KLF4: variants seen among roughly 807,000 people sequenced by gnomAD.
The protein encoded by KLF4 is KLF transcription factor 4.
A neutral mutation model predicts 38.0 loss-of-function variants in KLF4; 14 were observed. The observed-to-expected ratio is 0.37, with a 90% confidence interval of 0.24 to 0.58. The LOEUF (loss-of-function observed/expected upper bound fraction) is 0.58, where lower values mean the gene tolerates loss of function less well. Among genes scored for constraint, KLF4 ranks in the 20% least tolerant of loss-of-function variants. The pLI, the probability that KLF4 is intolerant of heterozygous loss-of-function variation, is 0.76. For synonymous variants in KLF4, 398 were observed against 302.5 expected, an observed-to-expected ratio of 1.32 and a Z score of -3.28; for missense variants, 737 against 670.1, an observed-to-expected ratio of 1.10 and a Z score of -1.10.
In KLF4 at chr9:107,488,569, G is replaced by C; in HGVS notation, c.127-302C>G. 2.0e-6 allele frequency: 1 copy of C among 496,678 alleles called. No homozygotes were observed. Among genetic ancestry groups the C allele is most frequent in the South Asian group, 2.8e-5 (1 of 36,048 alleles). 30.8% of individuals were successfully genotyped at this position (496,678 alleles called of 1,614,324 possible). On this transcript the variant is annotated intron_variant, in intron 2 of 4. Transcript: ENST00000374672. This position sits in a 1 kb window ranked among gnomAD's most constrained non-coding sequence, Gnocchi z 5.7. ...ACGTCCCCGGAATTGGCACACCGAG[G>C]CTCTCTCGGTGCGCTCTCGCCACGG... is the stretch of plus-strand genomic sequence containing the variant.
chr9:107,488,028 G>A lies in KLF4; in HGVS notation c.366C>T (p.Ala122=). The stretch of plus-strand genomic sequence containing the variant: ...AGGCTGACGCTGACGAGGACACGGT[G>A]GCGGCCACTGACTCCGGAGGATGGG... ...SLTHPPESVA[A]TVSSSASASS... The change falls in exon 3 of 5, where the codon GCC becomes GCT. Residue 122 remains alanine (A), a synonymous_variant. Coordinates refer to ENST00000374672, the MANE Select transcript of KLF4 (RefSeq NM_004235.6). The surrounding 1 kb of genome is among the most constrained non-coding windows in gnomAD (Gnocchi z 5.7). The A allele has an allele frequency of 1.9e-6, 3 of 1,609,566 alleles. No homozygotes were observed. Among genetic ancestry groups the A allele is most frequent in the Non-Finnish European group, 2.5e-6 (3 of 1,178,542 alleles).
At chr9:107,486,952 G>C in intron 4 of KLF4, 76 bp downstream of exon 4, 3 of 1,608,884 alleles carry the variant, frequency 1.9e-6, no homozygotes, top group Non-Finnish European at 2.5e-6. Flanking sequence ...AAGTCAAGGA[G>C]GCACTGAGGA....
In KLF4 at chr9:107,488,322, A is replaced by G; in HGVS notation, c.127-55T>C. 2.0e-6 allele frequency: 3 copies of G among 1,493,770 alleles called. No homozygotes were observed. The highest frequency in any genetic ancestry group is 1.8e-6 in the Non-Finnish European group (2 of 1,125,674). 92.5% of individuals were successfully genotyped at this position (1,493,770 alleles called of 1,614,324 possible). ...AGTGGTGGTCCCCTGTTGCCACCCG[A>G]CATACTGACGTGCTGGCGGGCCACG... On this transcript the variant is annotated intron_variant, in intron 2 of 4. Coordinates refer to ENST00000374672, the MANE Select transcript of KLF4 (RefSeq NM_004235.6). This position sits in a 1 kb window ranked among gnomAD's most constrained non-coding sequence, Gnocchi z 5.7.
chr9:107,485,761 C>T lies in KLF4; in HGVS notation c.1430G>A (p.Arg477Lys). The T allele has an allele frequency of 4.4e-6, 7 of 1,587,592 alleles. No individual in the cohort carries two copies. The highest frequency in any genetic ancestry group is 6.0e-6 in the Non-Finnish European group (7 of 1,170,330). Reference protein sequence around the residue: ...RSDHLALHMKRHF With the variant: ...RSDHLALHMKKHF ...TCCACTGTCTGGGATTTAAAAATGC[C>T]TCTTCATGTGTAAGGCGAGGTGGTC... Residue 477 changes from arginine (R) to lysine (K), a missense_variant, in exon 5 of 5, where the codon AGG becomes AAG. Transcript: ENST00000374672. The surrounding 1 kb of genome is among the most constrained non-coding windows in gnomAD (Gnocchi z 4.9).
chr9:107,487,243 G>C lies in KLF4; in HGVS notation c.1100-51C>G, dbSNP rs778172656. On this transcript the variant is annotated intron_variant, in intron 3 of 4. Transcript: ENST00000374672. The surrounding 1 kb of genome is among the most constrained non-coding windows in gnomAD (Gnocchi z 6.1). The stretch of plus-strand genomic sequence containing the variant: ...CATCATCCCGTGTGTCCCGAAGTGG[G>C]GCCAGCACACACAGGGCTCCCCAGC... 5 of 1,605,468 alleles carry C rather than the reference G, an allele frequency of 3.1e-6. No homozygotes were observed. In the Admixed American group the frequency reaches 8.4e-5, roughly 27 times the overall value.
In KLF4 at chr9:107,485,952, T is replaced by C. The variant is rs1325979480; in HGVS notation, c.1265-26A>G. ...CTGTAAAGGTAAAAGAAAAAAAAAA[T>C]TGACGCTATTGCTATATCAAAGAAT... On this transcript the variant is annotated intron_variant, in intron 4 of 4. Transcript: ENST00000374672. This position sits in a 1 kb window ranked among gnomAD's most constrained non-coding sequence, Gnocchi z 4.9. The C allele has an allele frequency of 1.9e-6, 3 of 1,575,936 alleles. No homozygotes were observed. Among genetic ancestry groups the C allele is most frequent in the East Asian group, 2.3e-5 (1 of 44,158 alleles).
intron 4 of KLF4, among the ~76,000 whole-genome samples, chr9:107,486,531 A>C (rs1192266123): frequency 1.3e-5 from 2 of 152,018 alleles, no homozygotes; most frequent in Admixed American, 6.6e-5. Flanking sequence ...TAAAAATGTA[A>C]ATCAAAACGA....
In KLF4 at chr9:107,489,423, T is replaced by C. The variant is rs1030535775; in HGVS notation, c.-251A>G. 4 of 449,108 alleles carry C rather than the reference T, an allele frequency of 8.9e-6. No individual in the cohort carries two copies. The highest frequency in any genetic ancestry group is 4.3e-5 in the Admixed American group (1 of 23,462). 27.8% of individuals were successfully genotyped at this position (449,108 alleles called of 1,614,324 possible). A position where few individuals can be genotyped will look rare whatever the true frequency, so the allele number is the denominator to read the frequency against. The stretch of plus-strand genomic sequence containing the variant: ...GAGTAAGTAGGTCCGGTGGCCGGGC[T>C]GCGCTCTCTTCCACTCAGCAGCGTC... On this transcript the variant is annotated 5_prime_UTR_variant, in exon 1 of 5. Transcript: ENST00000374672.
At chr9:107,486,955 A>G in intron 4 of KLF4, 73 bp downstream of exon 4, 1 of 1,610,896 alleles carries the variant, frequency 6.2e-7, no homozygotes, top group South Asian at 1.1e-5. Context: ...TCAAGGAGGC[A>G]CTGAGGAGTG....
rs1014132628 is a variant in KLF4, at chr9:107,489,483, G to C, written c.-311C>G. 2.9e-6 allele frequency: 1 copy of C among 350,716 alleles called. No individual in the cohort carries two copies. The highest frequency in any genetic ancestry group is 5.1e-6 in the Non-Finnish European group (1 of 195,790). The allele number at this position is 350,716 out of a possible 1,614,324, so 21.7% of individuals were successfully genotyped here. ...TGTCGCGGTCGCCTCGAGTGCTGCC[G>C]TGGGCGCAGGGGCTGTGGCCGGGGC... On this transcript the variant is annotated 5_prime_UTR_variant, in exon 1 of 5. Coordinates refer to ENST00000374672, the MANE Select transcript of KLF4 (RefSeq NM_004235.6).
In KLF4 at chr9:107,487,239, G is replaced by A. The variant is rs545266193; in HGVS notation, c.1100-47C>T. The stretch of plus-strand genomic sequence containing the variant: ...TGAGCATCATCCCGTGTGTCCCGAA[G>A]TGGGGCCAGCACACACAGGGCTCCC... On this transcript the variant is annotated intron_variant, in intron 3 of 4. Coordinates refer to ENST00000374672, the MANE Select transcript of KLF4 (RefSeq NM_004235.6). This position sits in a 1 kb window ranked among gnomAD's most constrained non-coding sequence, Gnocchi z 6.1. The A allele has an allele frequency of 1.2e-6, 2 of 1,606,786 alleles. No individual in the cohort carries two copies. The highest frequency in any genetic ancestry group is 2.2e-5 in the East Asian group (1 of 44,778).
chr9:107,486,521 T>A (rs1829065598), intron 4 of KLF4, among the ~76,000 whole-genome samples: 1 of 150,198 alleles, frequency 6.7e-6, no homozygotes, highest in African/African-American at 2.5e-5. Context: ...GGAAAAAAAA[T>A]AAAAATGTAA....
At position 107,489,521 on chromosome 9, in the gene KLF4, G is replaced by T. The variant is rs1829156121; in HGVS notation, c.-349C>A. ...CTGTGGCCGGGGCGGTGGGCGGGCG[G>T]TGCCGCCAGGTGAGACTGGCTGCCG... On this transcript the variant is annotated 5_prime_UTR_variant, in exon 1 of 5. Transcript: ENST00000374672. The T allele has an allele frequency of 3.6e-6, 1 of 279,312 alleles. No homozygotes were observed. The highest frequency in any genetic ancestry group is 2.2e-5 in the African/African-American group (1 of 46,084). The allele number at this position is 279,312 out of a possible 1,614,324, so 17.3% of individuals were successfully genotyped here.
In KLF4 at chr9:107,485,798, ATGCTCG is replaced by A; in HGVS notation, c.1387_1392del (p.Arg463_Ala464del). ...AAGGCGAGGTGGTCCGACCTGGAAA[ATGCTCG>A]GTCGCATTTTTGGCACTGGAACGGG... is the stretch of plus-strand genomic sequence containing the variant. On this transcript the variant is annotated inframe_deletion, in exon 5 of 5. Coordinates refer to ENST00000374672, the MANE Select transcript of KLF4 (RefSeq NM_004235.6). This position sits in a 1 kb window ranked among gnomAD's most constrained non-coding sequence, Gnocchi z 4.9. The A allele has an allele frequency of 6.2e-7, 1 of 1,608,060 alleles. No homozygotes were observed. The highest frequency in any genetic ancestry group is 1.1e-5 in the South Asian group (1 of 89,598).
At chr9:107,489,102 C>A (rs575176253) in intron 1 of KLF4, 52 bp from the exon 2 acceptor site, 8 of 1,549,434 alleles carry the variant, frequency 5.2e-6, no homozygotes, top group Middle Eastern at 1.7e-4. Flanking sequence ...GGCTTTCGGC[C>A]GTCGTTCCGG....
In KLF4 at chr9:107,487,169, T is replaced by G; in HGVS notation, c.1123A>C (p.Met375Leu). The change falls in exon 4 of 5, where the codon ATG becomes CTG. Residue 375 changes from methionine (M) to leucine (L), a missense_variant. Physicochemically the swap from Met to Leu is conservative, Grantham distance 15 (BLOSUM62 2). Transcript: ENST00000374672. The surrounding 1 kb of genome is among the most constrained non-coding windows in gnomAD (Gnocchi z 6.1). ...YQELMPPGSC[M>L]PEEPKPKRGR... ...CTCTTTGGCTTGGGCTCCTCTGGCA[T>G]GCAGGAACCGGGTGGCATGAGCTCT... 6.2e-7 allele frequency: 1 copy of G among 1,614,186 alleles called. No homozygotes were observed. Among genetic ancestry groups the G allele is most frequent in the Non-Finnish European group, 8.5e-7 (1 of 1,180,028 alleles).
Position 107,487,533 on chromosome 9 carries a change from G to A in KLF4, c.861C>T (p.His287=), listed in dbSNP as rs1186315132. ...IKQEAVSSCT[H]LGAGPPLSNG... is the part of the protein sequence containing the mutation. ...TGCTGAGAGGGGGTCCAGCGCCCAAGTGGGTGCACGAAGAGACCGCCTCCT... is the reference window on the plus strand; with the variant it reads ...TGCTGAGAGGGGGTCCAGCGCCCAAATGGGTGCACGAAGAGACCGCCTCCT... The change falls in exon 3 of 5, where the codon CAC becomes CAT. Residue 287 remains histidine, a synonymous_variant. Coordinates refer to ENST00000374672, the MANE Select transcript of KLF4 (RefSeq NM_004235.6). The surrounding 1 kb of genome is among the most constrained non-coding windows in gnomAD (Gnocchi z 6.1). 1.9e-6 allele frequency: 3 copies of A among 1,558,040 alleles called. No individual in the cohort carries two copies. The highest frequency in any genetic ancestry group is 3.8e-5 in the Admixed American group (2 of 52,996).
chr9:107,488,866 G>C lies in KLF4; in HGVS notation c.126+64C>G. On this transcript the variant is annotated intron_variant, in intron 2 of 4. Transcript: ENST00000374672. This position sits in a 1 kb window ranked among gnomAD's most constrained non-coding sequence, Gnocchi z 5.7. ...TGGCTCTTGGTGACCCCAAGGCTCCGCCCGCCCCCACCACACCCACGAAAA... is the reference window on the plus strand; with the variant it reads ...TGGCTCTTGGTGACCCCAAGGCTCCCCCCGCCCCCACCACACCCACGAAAA... 1 of 1,519,762 alleles carries C rather than the reference G, an allele frequency of 6.6e-7. No homozygotes were observed. Among genetic ancestry groups the C allele is most frequent in the Non-Finnish European group, 8.9e-7 (1 of 1,127,212 alleles). The allele number at this position is 1,519,762 out of a possible 1,614,324, so 94.1% of individuals were successfully genotyped here. A position where few individuals can be genotyped will look rare whatever the true frequency, so the allele number is the denominator to read the frequency against.
At chr9:107,486,982 G>A (rs1829074407) in intron 4 of KLF4, 46 bp downstream of exon 4, 3 of 1,613,884 alleles carry the variant, frequency 1.9e-6, no homozygotes, top group African/African-American at 2.7e-5. Context: ...GGTAGCCTAT[G>A]GGGCTGGAAG....
Sources: allele counts gnomAD v4.1 joint callset (sites outside exome capture counted in the v4.1 genomes callset), GRCh38; gene constraint gnomAD v4.1.1; non-coding constraint Gnocchi (gnomAD v3.1); transcripts MANE v1.5; gene names NCBI Gene and HGNC (gene_info 2026-07-23, HGNC 2026-07-21).